ESRRB: variants seen among roughly 807,000 people sequenced by gnomAD.
ESRRB encodes the protein steroid hormone receptor ERR2.
A neutral mutation model predicts 46.0 loss-of-function variants in ESRRB; 16 were observed. That is an observed-to-expected ratio of 0.35 (90% CI 0.24 to 0.53). ESRRB has a LOEUF of 0.53. ESRRB is among the 20% of genes least tolerant of loss of function. ESRRB has a pLI of 0.93. For synonymous variants in ESRRB, 246 were observed against 259.6 expected, an observed-to-expected ratio of 0.95 and a Z score of 0.50; for missense variants, 488 against 607.4, an observed-to-expected ratio of 0.80 and a Z score of 2.07.
At chr14:76,431,066 A>C (rs1887421289) in intron 1 of ESRRB, among the ~76,000 whole-genome samples, 1 of 152,168 alleles carries the variant, frequency 6.6e-6, no homozygotes, top group Admixed American at 6.6e-5. Context: ...AAGGCCGAGG[A>C]GGGCAAATTA....
intron 1 of ESRRB, among the ~76,000 whole-genome samples, chr14:76,401,479 G>A (rs193263968): frequency 3.3e-5 from 5 of 152,290 alleles, no homozygotes; most frequent in Admixed American, 2.6e-4. Flanking sequence ...TGGGGAGTTC[G>A]CCAAAGAAAC....
chr14:76,362,926 G>T (rs1028455679), intron 1 of ESRRB, among the ~76,000 whole-genome samples: 1 of 152,170 alleles, frequency 6.6e-6, no homozygotes. Flanking sequence ...TCTTTAAGAT[G>T]ATGCTTTTGA....
Position 76,499,139 on chromosome 14 carries a change from C to G in ESRRB, c.*681C>G. 1 of 316,396 alleles carries G rather than the reference C, an allele frequency of 3.2e-6. No individual in the cohort carries two copies. The highest frequency in any genetic ancestry group is 2.6e-5 in the South Asian group (1 of 38,072). 19.6% of individuals were successfully genotyped at this position (316,396 alleles called of 1,614,324 possible). ...CGCGCCGGTGTCCACCTGTCCTCCT[C>G]CTCTTCTCCTCCCCCCGGGAGTCCC... is the stretch of plus-strand genomic sequence containing the variant. On this transcript the variant is annotated 3_prime_UTR_variant, in exon 7 of 7. Coordinates refer to ENST00000644823, the MANE Select transcript of ESRRB (RefSeq NM_001379180.1).
chr14:76,332,865 T>A (rs1431345364), intron 1 of ESRRB, among the ~76,000 whole-genome samples: 1 of 28,142 alleles, frequency 3.6e-5, no homozygotes, highest in Non-Finnish European at 6.3e-5. Context: ...TATTTATATA[T>A]AATATATTTT....
chr14:76,483,181 A>G (rs905658401), intron 5 of ESRRB, among the ~76,000 whole-genome samples: 3 of 152,200 alleles, frequency 2.0e-5, no homozygotes, highest in Admixed American at 6.5e-5. Context: ...AGTGAAGAGC[A>G]TGGCCTTGGG....
intron 3 of ESRRB, among the ~76,000 whole-genome samples, chr14:76,477,361 G>T (rs1162400754): frequency 6.6e-6 from 1 of 152,224 alleles, no homozygotes; most frequent in Non-Finnish European, 1.5e-5. Flanking sequence ...ATGTTGAAGT[G>T]CTATGGGTTG....
At chr14:76,388,657 A>G (rs986414336) in intron 1 of ESRRB, among the ~76,000 whole-genome samples, 4 of 152,284 alleles carry the variant, frequency 2.6e-5, no homozygotes, top group African/African-American at 7.2e-5. Context: ...CCCCCAGGTC[A>G]GCTTCCATCC....
intron 1 of ESRRB, among the ~76,000 whole-genome samples, chr14:76,419,433 T>C (rs899274067): frequency 2.0e-5 from 3 of 152,146 alleles, no homozygotes; most frequent in East Asian, 1.9e-4. Context: ...AACAAGGAAA[T>C]CTTCCATGCT....
In ESRRB at chr14:76,339,262, C is replaced by T. The variant is rs969171330; in HGVS notation, c.2+28346C>T. 1.8e-4 allele frequency among the ~76,000 whole-genome samples: 27 copies of T among 152,344 alleles called. No homozygotes were observed. In the South Asian group the frequency reaches 2.5e-3, roughly 14 times the overall value. ...CCACTTGAAATCGTCAGGTCCTCCA[C>T]GCTTACGGTTCTGTGACCTAACCTC... On this transcript the variant is annotated intron_variant, in intron 1 of 6. Coordinates refer to the ESRRB transcript ENST00000512784.
intron 1 of ESRRB, among the ~76,000 whole-genome samples, chr14:76,316,667 C>T (rs1054800768): frequency 1.3e-5 from 2 of 152,230 alleles, no homozygotes; most frequent in African/African-American, 4.8e-5. Flanking sequence ...TAGGTCAGCT[C>T]GTGACTCATT....
At chr14:76,442,322 A>C (rs1477757139) in intron 2 of ESRRB, among the ~76,000 whole-genome samples, 2 of 152,138 alleles carry the variant, frequency 1.3e-5, no homozygotes, top group African/African-American at 4.8e-5. Flanking sequence ...CTAAAAATAC[A>C]AGAATTATCC....
Position 76,439,418 on chromosome 14 carries a change from G to T in ESRRB, c.128G>T (p.Ser43Ile), listed in dbSNP as rs754755871. 2 of 1,613,538 alleles carry T rather than the reference G, an allele frequency of 1.2e-6. No individual in the cohort carries two copies. The highest frequency in any genetic ancestry group is 1.3e-5 in the African/African-American group (1 of 75,076). ...TCCTTCATCAAGACTGAGCCGTCCA[G>T]CCCGTCCTCGGGCATCGATGCCCTC... The part of the protein sequence containing the change: ...CGSFIKTEPS[S>I]PSSGIDALSH... Residue 43 changes from serine to isoleucine, a missense_variant, in exon 2 of 7, where the codon AGC becomes ATC. Ser to Ile is a moderately radical substitution (Grantham distance 142, BLOSUM62 -2). Coordinates refer to ENST00000644823, the MANE Select transcript of ESRRB (RefSeq NM_001379180.1).
intron 2 of ESRRB, among the ~76,000 whole-genome samples, chr14:76,441,614 C>T (rs943494177): frequency 6.6e-6 from 1 of 152,190 alleles, no homozygotes; most frequent in Non-Finnish European, 1.5e-5. Flanking sequence ...CACCGTGCCT[C>T]GCCGATAGCT....
chr14:76,412,309 C>A (rs1227285524), intron 1 of ESRRB, among the ~76,000 whole-genome samples: 1 of 152,178 alleles, frequency 6.6e-6, no homozygotes, highest in African/African-American at 2.4e-5. Context: ...TTCTTCAGTA[C>A]CTCAGTTTCC....
intron 1 of ESRRB, among the ~76,000 whole-genome samples, chr14:76,405,207 T>A (rs1361462086): frequency 6.6e-6 from 1 of 151,976 alleles, no homozygotes; most frequent in Admixed American, 6.6e-5. Flanking sequence ...GCTGAGGCAA[T>A]CCTCCCACCT....
intron 1 of ESRRB, among the ~76,000 whole-genome samples, chr14:76,314,531 G>A (rs1883774652): frequency 6.6e-6 from 1 of 152,224 alleles, no homozygotes; most frequent in African/African-American, 2.4e-5. Flanking sequence ...CTGGAGTGCC[G>A]AGGGCTCAGT....
chr14:76,452,704 G>A lies in ESRRB; in HGVS notation c.461-9841G>A, dbSNP rs529489249. On this transcript the variant is annotated intron_variant, in intron 2 of 6. Transcript: ENST00000644823. Reference sequence around the variant, plus strand: ...AAAGGATAGTGACTGGATTGTGGATGCTAAGGGAAGGAGGACTCTTAGATT... The same window carrying A: ...AAAGGATAGTGACTGGATTGTGGATACTAAGGGAAGGAGGACTCTTAGATT... Among the ~76,000 whole-genome samples, 29 of 152,216 alleles carry A rather than the reference G, an allele frequency of 1.9e-4. 1 individual carries two copies. The highest frequency in any genetic ancestry group is 6.2e-4 in the South Asian group (3 of 4,824).
At chr14:76,374,059 A>G (rs191470312), upstream of ESRRB, among the ~76,000 whole-genome samples, 771 of 152,218 alleles carry the variant, frequency 5.1e-3, 10 homozygotes, top group African/African-American at 0.017. Context: ...ACAACCCATC[A>G]CTGCCTCACC....
At chr14:76,355,496 G>A (rs77158871) in intron 1 of ESRRB, among the ~76,000 whole-genome samples, 3,643 of 152,172 alleles carry the variant, frequency 0.024, 140 homozygotes, top group African/African-American at 0.084. Context: ...ATGTCACTGA[G>A]CACTCTAGCT....
Sources: gnomAD v4.1 joint callset for allele counts (sites outside exome capture counted in the v4.1 genomes callset) on GRCh38, gnomAD v4.1.1 for gene constraint, MANE v1.5 for transcripts, NCBI Gene and HGNC (gene_info 2026-07-23, HGNC 2026-07-21) for gene names.